Variants in PRELID3A observed in about 807,000 individuals in gnomAD.
The protein encoded by PRELID3A is PRELI domain containing 3A.
A neutral mutation model predicts 23.0 loss-of-function variants in PRELID3A; 27 were observed. That is an observed-to-expected ratio of 1.17 (90% CI 0.87 to 1.62). The LOEUF (loss-of-function observed/expected upper bound fraction) is 1.62, where lower values mean the gene tolerates loss of function less well. PRELID3A is among the 40% of genes most tolerant of loss of function. The pLI is 0.00. For missense variants in PRELID3A, 231 were observed against 231.4 expected, an observed-to-expected ratio of 1.00 and a Z score of 0.01; for synonymous variants, 87 against 86.4, an observed-to-expected ratio of 1.01 and a Z score of -0.04.
At position 12,413,693 on chromosome 18, in the gene PRELID3A, C is replaced by T. The variant is rs560078115; in HGVS notation, c.32+5686C>T. On this transcript the variant is annotated intron_variant, in intron 1 of 6. Coordinates refer to ENST00000440960, the MANE Select transcript of PRELID3A (RefSeq NM_001142405.2). ...CTGCCTCCCAGATTCAAGCAATTCTCCTGCCTCAGCCTCCCAAATAGCTGG... is the reference window on the plus strand; with the variant it reads ...CTGCCTCCCAGATTCAAGCAATTCTTCTGCCTCAGCCTCCCAAATAGCTGG... Among the ~76,000 whole-genome samples, 9 of 152,332 alleles carry T rather than the reference C, an allele frequency of 5.9e-5. No individual in the cohort carries two copies. The East Asian group carries it at 1.3e-3, about 23-fold the overall frequency.
chr18:12,408,308 A>G (rs1238439663), intron 1 of PRELID3A, among the ~76,000 whole-genome samples: 4 of 150,428 alleles, frequency 2.7e-5, no homozygotes, highest in African/African-American at 4.9e-5. Context: ...GGGCAGCCGG[A>G]GCGGGGGCGG....
intron 5 of PRELID3A, among the ~76,000 whole-genome samples, chr18:12,428,073 C>T (rs989879230): frequency 3.9e-5 from 6 of 152,184 alleles, no homozygotes; most frequent in Admixed American, 6.5e-5. Flanking sequence ...TTGGCTGAAC[C>T]TCTCCAGCAG....
intron 1 of PRELID3A, among the ~76,000 whole-genome samples, chr18:12,416,659 T>C (rs1568161525): frequency 7.1e-6 from 1 of 141,742 alleles, no homozygotes; most frequent in East Asian, 2.2e-4. Flanking sequence ...TTTTTTTTTT[T>C]TTTTTAGACA....
At chr18:12,427,913 A>G (rs1396499935) in intron 5 of PRELID3A, among the ~76,000 whole-genome samples, 2 of 152,142 alleles carry the variant, frequency 1.3e-5, no homozygotes, top group Non-Finnish European at 2.9e-5. Flanking sequence ...AACCCAGCCA[A>G]GGCAACTACC....
At chr18:12,420,615 G>T in intron 2 of PRELID3A, 122 bp downstream of exon 2, 4 of 1,034,118 alleles carry the variant, frequency 3.9e-6, no homozygotes, top group Non-Finnish European at 5.2e-6. Flanking sequence ...ATCGGGGTGG[G>T]AGGGCGGCGG....
chr18:12,416,402 G>A (rs1041875747), intron 1 of PRELID3A, among the ~76,000 whole-genome samples: 11 of 151,990 alleles, frequency 7.2e-5, no homozygotes, highest in South Asian at 4.1e-4. Context: ...CTCGACCTCC[G>A]GTCTTAGGTG....
chr18:12,421,586 T>C lies in PRELID3A; in HGVS notation c.248T>C (p.Val83Ala). 1 of 1,613,930 alleles carries C rather than the reference T, an allele frequency of 6.2e-7. No homozygotes were observed. Among genetic ancestry groups the C allele is most frequent in the Non-Finnish European group, 8.5e-7 (1 of 1,179,842 alleles). Residue 83 changes from valine (V) to alanine (A), a missense_variant, in exon 3 of 7, where the codon GTG becomes GCG. By Grantham distance (64) the Val-to-Ala change is moderately conservative. Transcript: ENST00000440960. ...TTGACATACATCCGAGAACATTCTG[T>C]GGTGGATCCAGTGGAAAAGAAAATG... ...RTLTYIREHS[V>A]VDPVEKKMEL...
At chr18:12,429,489 G>T in intron 6 of PRELID3A, 53 bp downstream of exon 6, 1 of 1,183,454 alleles carries the variant, frequency 8.4e-7, no homozygotes, top group Non-Finnish European at 1.2e-6. Flanking sequence ...CTTGTGACCC[G>T]TGTGCATGGT....
intron 3 of PRELID3A, chr18:12,422,432 C>A: frequency 6.6e-6 from 1 of 151,140 alleles, no homozygotes; most frequent in East Asian, 1.9e-4. Flanking sequence ...GATCTCGGCT[C>A]ACTGCAACCT....
intron 3 of PRELID3A, among the ~76,000 whole-genome samples, chr18:12,421,944 T>G (rs1404350930): frequency 6.6e-6 from 1 of 151,492 alleles, no homozygotes; most frequent in East Asian, 1.9e-4. Flanking sequence ...CCAGCAGACG[T>G]TTTTGTTTTT....
At chr18:12,409,453 C>A (rs1909842518) in intron 1 of PRELID3A, among the ~76,000 whole-genome samples, 1 of 152,084 alleles carries the variant, frequency 6.6e-6, no homozygotes, top group Non-Finnish European at 1.5e-5. Flanking sequence ...AGGTGTGAGC[C>A]ACCGTGACTG....
At chr18:12,423,290 T>C (rs2030249500) in intron 3 of PRELID3A, among the ~76,000 whole-genome samples, 1 of 152,100 alleles carries the variant, frequency 6.6e-6, no homozygotes, top group South Asian at 2.1e-4. Flanking sequence ...AGGGAGCCAC[T>C]GAGAGTTTGT....
intron 1 of PRELID3A, among the ~76,000 whole-genome samples, chr18:12,419,481 T>A (rs2030074490): frequency 6.7e-6 from 1 of 149,906 alleles, no homozygotes; most frequent in Non-Finnish European, 1.5e-5. Context: ...ATACAAAAAT[T>A]AGCCAGGTGT....
At chr18:12,426,292 C>T (rs1249410905) in intron 3 of PRELID3A, among the ~76,000 whole-genome samples, 9 of 149,708 alleles carry the variant, frequency 6.0e-5, no homozygotes, top group East Asian at 5.9e-4. Context: ...GAGTGGCTCA[C>T]GCCTGTAATC....
At position 12,426,563 on chromosome 18, in the gene PRELID3A, A is replaced by AAAAAAAAAAAAAAAAAAAAAAAG. The variant is rs67993774; in HGVS notation, c.292-475_292-474insAAAAAAAAAAAAAAAAAAAGAAA. Among the ~76,000 whole-genome samples, 170 of 87,700 alleles carry AAAAAAAAAAAAAAAAAAAAAAAG rather than the reference A, an allele frequency of 1.9e-3. 17 individuals are homozygous for AAAAAAAAAAAAAAAAAAAAAAAG. The highest frequency in any genetic ancestry group is 0.013 in the Middle Eastern group (1 of 80). The allele number at this position is 87,700 out of a possible 152,430, so 57.5% of individuals were successfully genotyped here. On this transcript the variant is annotated intron_variant, in intron 3 of 6. Transcript: ENST00000440960. Reference sequence around the variant, plus strand: ...AGTGAGACTCCATCTCAAAAAAAAAAAAAGTATAAATATGTACATAAGGAG... The same window carrying AAAAAAAAAAAAAAAAAAAAAAAG: ...AGTGAGACTCCATCTCAAAAAAAAAAAAAAAAAAAAAAAAAAAAAAAAGAAAGTATAAATATGTACATAAGGAG...
chr18:12,421,755 G>A (rs922110262), intron 3 of PRELID3A, 126 bp downstream of exon 3: 8 of 631,162 alleles, frequency 1.3e-5, no homozygotes, highest in African/African-American at 1.9e-5. Flanking sequence ...CAGAAAGGCT[G>A]AATTCATTTA....
intron 1 of PRELID3A, among the ~76,000 whole-genome samples, chr18:12,415,506 C>T (rs1178554173): frequency 4.0e-4 from 61 of 152,332 alleles, no homozygotes; most frequent in East Asian, 5.8e-4. Flanking sequence ...ATCCGCCCGC[C>T]TCGGCCTCCC....
Position 12,407,949 on chromosome 18 carries a change from C to T in PRELID3A, c.-27C>T. The T allele has an allele frequency of 1.5e-6, 2 of 1,293,688 alleles. No individual in the cohort carries two copies. The highest frequency in any genetic ancestry group is 2.0e-6 in the Non-Finnish European group (2 of 1,023,320). 80.1% of individuals were successfully genotyped at this position (1,293,688 alleles called of 1,614,324 possible). A position where few individuals can be genotyped will look rare whatever the true frequency, so the allele number is the denominator to read the frequency against. ...GGCCCGAAGCACCCGGCCCGGATCG[C>T]AGAGCCCGCGCCCTGCGCCGGCGGC... On this transcript the variant is annotated 5_prime_UTR_variant, in exon 1 of 7. Coordinates refer to ENST00000440960, the MANE Select transcript of PRELID3A (RefSeq NM_001142405.2).
intron 2 of PRELID3A, among the ~76,000 whole-genome samples, chr18:12,420,816 G>A (rs1447457870): frequency 9.4e-6 from 1 of 106,418 alleles, no homozygotes; most frequent in South Asian, 4.0e-4. Flanking sequence ...CGGTGGGGGG[G>A]TCTTCCTCGA....
Sources: gnomAD v4.1 joint callset for allele counts (sites outside exome capture counted in the v4.1 genomes callset) on GRCh38, gnomAD v4.1.1 for gene constraint, MANE v1.5 for transcripts, NCBI Gene and HGNC (gene_info 2026-07-23, HGNC 2026-07-21) for gene names.